The following SLC9A9 variants were observed in gnomAD, a reference collection of about 807,000 sequenced individuals.
SLC9A9 encodes the protein solute carrier family 9 member A9.
SLC9A9 carries 62 observed loss-of-function variants against 77.8 expected under a neutral mutation model. The observed-to-expected ratio is 0.80, with a 90% confidence interval of 0.65 to 0.98. The LOEUF (loss-of-function observed/expected upper bound fraction) is 0.98. Among genes scored for constraint, SLC9A9 ranks in the 50% least tolerant of loss-of-function variants. The probability of loss-of-function intolerance (pLI) is 0.00; values close to 1 mark genes in which losing one functional copy is unlikely to be tolerated. For missense variants in SLC9A9, 775 were observed against 774.9 expected (o/e 1.00, Z 0.00); for synonymous variants, 320 against 283.5 (o/e 1.13, Z -1.29).
intron 14 of SLC9A9, among the ~76,000 whole-genome samples, chr3:143,338,040 T>C (rs1435685932): frequency 6.6e-6 from 1 of 152,204 alleles, no homozygotes; most frequent in Admixed American, 6.5e-5. Context: ...TGCATGTCTC[T>C]TTAAATTAAA....
At chr3:143,374,147 C>T (rs539229477) in intron 13 of SLC9A9, among the ~76,000 whole-genome samples, 52 of 152,058 alleles carry the variant, frequency 3.4e-4, no homozygotes, top group African/African-American at 1.2e-3. Context: ...GGCCAGAGGC[C>T]GGGTGTGGTG....
chr3:143,564,625 G>A (rs1023105924), intron 8 of SLC9A9, among the ~76,000 whole-genome samples: 1 of 152,046 alleles, frequency 6.6e-6, no homozygotes. Context: ...ACTCCTTCAG[G>A]CAATATGAAA....
intron 5 of SLC9A9, among the ~76,000 whole-genome samples, chr3:143,656,357 C>G (rs2038887960): frequency 6.6e-6 from 1 of 151,944 alleles, no homozygotes; most frequent in South Asian, 2.1e-4. Flanking sequence ...AGATGATAAC[C>G]ACACCTAGTG....
chr3:143,747,979 A>T (rs1348553074), intron 4 of SLC9A9, among the ~76,000 whole-genome samples: 1 of 152,082 alleles, frequency 6.6e-6, no homozygotes, highest in Non-Finnish European at 1.5e-5. Flanking sequence ...TGGTCCCAAG[A>T]CTGCCCCTGT....
chr3:143,687,270 T>G (rs1992863), intron 5 of SLC9A9, among the ~76,000 whole-genome samples: 65,612 of 152,080 alleles, frequency 0.43, 14,341 homozygotes, highest in South Asian at 0.6. Flanking sequence ...AAATGGGAAA[T>G]AATTAATTTT....
chr3:143,487,754 A>C (rs565785447), intron 11 of SLC9A9, among the ~76,000 whole-genome samples: 2 of 152,032 alleles, frequency 1.3e-5, no homozygotes, highest in South Asian at 4.1e-4. Flanking sequence ...AACAGTGCTA[A>C]GACTTACTTT....
intron 12 of SLC9A9, among the ~76,000 whole-genome samples, chr3:143,411,098 T>G (rs775852699): frequency 2.0e-5 from 3 of 152,336 alleles, no homozygotes; most frequent in East Asian, 1.9e-4. Flanking sequence ...CCTTATAAAT[T>G]TATTAAGAAT....
At chr3:143,387,963 C>A (rs2033465951) in intron 12 of SLC9A9, among the ~76,000 whole-genome samples, 1 of 152,118 alleles carries the variant, frequency 6.6e-6, no homozygotes, top group African/African-American at 2.4e-5. Context: ...TTCCAATAGT[C>A]TTAGGTGCAG....
At chr3:143,519,907 G>A (rs538125520) in intron 9 of SLC9A9, among the ~76,000 whole-genome samples, 19 of 152,234 alleles carry the variant, frequency 1.2e-4, no homozygotes, top group African/African-American at 1.9e-4. Context: ...TTGAATAGGC[G>A]TTTGGGTGAG....
chr3:143,532,167 T>C (rs1051444036), intron 9 of SLC9A9, among the ~76,000 whole-genome samples: 1 of 152,240 alleles, frequency 6.6e-6, no homozygotes, highest in Non-Finnish European at 1.5e-5. Flanking sequence ...CATTGATACA[T>C]GTAATCAGTG....
In SLC9A9 at chr3:143,574,211, A is replaced by C. The variant is rs572084271; in HGVS notation, c.895-18T>G. The stretch of plus-strand genomic sequence containing the variant: ...TTGGTCAAGTGAGGAAGATAAGTTA[A>C]GGGAAACAACAACAGCTTTTACAGC... On this transcript the variant is annotated intron_variant, in intron 7 of 15. Coordinates refer to ENST00000316549, the MANE Select transcript of SLC9A9 (RefSeq NM_173653.4). The C allele has an allele frequency of 5.0e-6, 8 of 1,596,974 alleles. No individual in the cohort carries two copies. In the African/African-American group the frequency reaches 6.7e-5, roughly 13 times the overall value.
chr3:143,704,488 G>A (rs1173524278), intron 4 of SLC9A9, among the ~76,000 whole-genome samples: 1 of 152,078 alleles, frequency 6.6e-6, no homozygotes, highest in Non-Finnish European at 1.5e-5. Context: ...CATTTCAATT[G>A]ATGACAAAAA....
chr3:143,818,514 C>T (rs999869801), intron 2 of SLC9A9, among the ~76,000 whole-genome samples: 33 of 152,104 alleles, frequency 2.2e-4, no homozygotes, highest in Middle Eastern at 3.4e-3. Context: ...ACCATGTTGG[C>T]CAGGCTCGTC....
intron 4 of SLC9A9, among the ~76,000 whole-genome samples, chr3:143,755,760 G>GAT (rs751450228): frequency 3.2e-4 from 49 of 152,094 alleles, no homozygotes; most frequent in Non-Finnish European, 5.4e-4. Flanking sequence ...ACAATGCCAT[G>GAT]ATATATATAA....
intron 4 of SLC9A9, among the ~76,000 whole-genome samples, chr3:143,736,217 C>T (rs1436863038): frequency 6.6e-6 from 1 of 152,164 alleles, no homozygotes; most frequent in Admixed American, 6.5e-5. Flanking sequence ...TTAGTCTCCC[C>T]TTGTCCCACA....
At chr3:143,410,425 C>T (rs973100834) in intron 12 of SLC9A9, among the ~76,000 whole-genome samples, 2 of 152,184 alleles carry the variant, frequency 1.3e-5, no homozygotes, top group Admixed American at 6.5e-5. Flanking sequence ...TCCATTCTCT[C>T]ATATATTAAT....
intron 4 of SLC9A9, among the ~76,000 whole-genome samples, chr3:143,715,299 T>C (rs114489912): frequency 0.016 from 2,367 of 152,308 alleles, 58 homozygotes; most frequent in African/African-American, 0.055. Flanking sequence ...CACAGCTCTC[T>C]TTCCAGGTTT....
At chr3:143,493,847 A>T (rs2035790456) in intron 10 of SLC9A9, 83 bp from the exon 11 acceptor site, 6 of 1,015,418 alleles carry the variant, frequency 5.9e-6, no homozygotes, top group South Asian at 1.3e-5. Flanking sequence ...TTATGTCCTC[A>T]AGCTTCTCTT....
intron 12 of SLC9A9, among the ~76,000 whole-genome samples, chr3:143,453,459 A>G (rs1364460217): frequency 1.3e-5 from 2 of 152,146 alleles, no homozygotes; most frequent in Non-Finnish European, 2.9e-5. Context: ...TATACATACA[A>G]AATTTTAGGG....
Sources: allele counts gnomAD v4.1 joint callset (sites outside exome capture counted in the v4.1 genomes callset), GRCh38; gene constraint gnomAD v4.1.1; transcripts MANE v1.5; gene names NCBI Gene and HGNC (gene_info 2026-07-23, HGNC 2026-07-21).